NELL1: variants seen among roughly 807,000 people sequenced by gnomAD.
NELL1 encodes neural EGFL like 1, also known as protein kinase C-binding protein NELL1.
A neutral mutation model predicts 107.4 loss-of-function variants in NELL1; 76 were observed. That is an observed-to-expected ratio of 0.71 (90% CI 0.59 to 0.86). The LOEUF (loss-of-function observed/expected upper bound fraction) is 0.86. Among genes scored for constraint, NELL1 ranks in the 40% least tolerant of loss-of-function variants. The pLI, the probability that NELL1 is intolerant of heterozygous loss-of-function variation, is 0.00. For synonymous variants in NELL1, 353 were observed against 341.2 expected, an observed-to-expected ratio of 1.03 and a Z score of -0.38; for missense variants, 1,024 against 1,005.5, an observed-to-expected ratio of 1.02 and a Z score of -0.25.
At chr11:20,844,077 C>T (rs756089883) in intron 3 of NELL1, among the ~76,000 whole-genome samples, 9 of 152,170 alleles carry the variant, frequency 5.9e-5, no homozygotes, top group Non-Finnish European at 1.3e-4. Context: ...TAGTTGTGCA[C>T]AGCTCAGAGC....
At chr11:21,425,811 A>G (rs796482120) in intron 15 of NELL1, among the ~76,000 whole-genome samples, 10 of 152,334 alleles carry the variant, frequency 6.6e-5, no homozygotes, top group African/African-American at 2.4e-4. Flanking sequence ...GTTTGTGATA[A>G]TGTTGGGACA....
At chr11:20,919,418 AT>A in intron 7 of NELL1, 84 bp downstream of exon 7, 2 of 829,510 alleles carry the variant, frequency 2.4e-6, no homozygotes, top group Non-Finnish European at 2.0e-6. Context: ...TAATGGAAAC[AT>A]TTTTAGCCTC....
intron 5 of NELL1, among the ~76,000 whole-genome samples, chr11:20,892,142 G>T (rs1403389488): frequency 6.6e-6 from 1 of 152,128 alleles, no homozygotes; most frequent in Non-Finnish European, 1.5e-5. Flanking sequence ...AAATGCAAAA[G>T]AACTGAAATC....
intron 2 of NELL1, among the ~76,000 whole-genome samples, chr11:20,774,565 G>A (rs1856712152): frequency 6.6e-6 from 1 of 151,936 alleles, no homozygotes; most frequent in Non-Finnish European, 1.5e-5. Flanking sequence ...GAAAAGCTGA[G>A]CAGGATCCAT....
At chr11:20,682,844 A>G (rs1315693827) in intron 2 of NELL1, among the ~76,000 whole-genome samples, 1 of 152,010 alleles carries the variant, frequency 6.6e-6, no homozygotes, top group Non-Finnish European at 1.5e-5. Flanking sequence ...ATCATACAGT[A>G]TGTGCTTTTT....
chr11:21,368,456 A>G (rs1851282991), intron 14 of NELL1, among the ~76,000 whole-genome samples: 1 of 151,748 alleles, frequency 6.6e-6, no homozygotes, highest in African/African-American at 2.4e-5. Flanking sequence ...CGGATTGTAG[A>G]TTAACCCACA....
In NELL1 at chr11:20,847,276, G is replaced by A. The variant is rs1848716812; in HGVS notation, c.336-307G>A. 2.0e-5 allele frequency among the ~76,000 whole-genome samples: 3 copies of A among 152,170 alleles called. No homozygotes were observed. The South Asian group carries it at 6.2e-4, about 32-fold the overall frequency. On this transcript the variant is annotated intron_variant, in intron 3 of 19. Transcript: ENST00000357134. The stretch of plus-strand genomic sequence containing the variant: ...CCTGTTTTAGACATTCATGGAATGA[G>A]GGTTCTGATTTGTACTTTGAAGTAT...
At chr11:21,077,667 T>C (rs764915712) in intron 12 of NELL1, among the ~76,000 whole-genome samples, 1 of 150,992 alleles carries the variant, frequency 6.6e-6, no homozygotes, top group South Asian at 2.1e-4. Context: ...CACTTGAACC[T>C]GGGAGACGGA....
rs11026044 is a variant in NELL1, at chr11:21,356,930, C to A, written c.1550-13923C>A. 9.8e-5 allele frequency among the ~76,000 whole-genome samples: 15 copies of A among 152,306 alleles called. No homozygotes were observed. The East Asian group carries it at 2.9e-3, about 29-fold the overall frequency. The stretch of plus-strand genomic sequence containing the variant: ...TTGGTTTTCCATTCCTGAGTTACTT[C>A]ACTTAGAATAATGGTCTCCAACTCC... On this transcript the variant is annotated intron_variant, in intron 14 of 19. Coordinates refer to ENST00000357134, the MANE Select transcript of NELL1 (RefSeq NM_006157.5).
Position 21,573,231 on chromosome 11 carries a change from G to C in NELL1, c.2204G>C (p.Cys735Ser), listed in dbSNP as rs773196240. The C allele has an allele frequency of 6.2e-7, 1 of 1,612,312 alleles. No homozygotes were observed. Among genetic ancestry groups the C allele is most frequent in the Admixed American group, 1.7e-5 (1 of 59,830 alleles). The change falls in exon 19 of 20, where the codon TGT (cysteine) becomes TCT (serine). Residue 735 changes from cysteine (C) to serine (S), a missense_variant. Cys to Ser is a moderately radical substitution (Grantham distance 112). Coordinates refer to ENST00000357134, the MANE Select transcript of NELL1 (RefSeq NM_006157.5). ...CCACTCACTTGCCCCAACTTGAGCT[G>C]TGAGTATACAGCTATCTTAGAAGGG... ...CWPLTCPNLS[C>S]EYTAILEGEC... is the part of the protein sequence containing the mutation.
rs145449508 is a variant in NELL1 at position 21,567,568 on chromosome 11, G to A, written c.1981-3196G>A. 1.8e-4 allele frequency among the ~76,000 whole-genome samples: 28 copies of A among 151,862 alleles called. No homozygotes were observed. The East Asian group carries it at 5.1e-3, about 28-fold the overall frequency. On this transcript the variant is annotated intron_variant, in intron 17 of 19. Transcript: ENST00000357134. ...GTATAGTAAAAGAGCCAATGCACAC[G>A]ATACATTTTTCAACCTGTTGTTATA...
intron 12 of NELL1, among the ~76,000 whole-genome samples, chr11:21,108,136 C>A (rs1209941824): frequency 6.6e-6 from 1 of 152,106 alleles, no homozygotes; most frequent in Non-Finnish European, 1.5e-5. Flanking sequence ...TGGGGAATGC[C>A]TTTTCCCCTC....
chr11:21,223,488 G>T (rs75736371), intron 13 of NELL1, among the ~76,000 whole-genome samples: 3,558 of 152,072 alleles, frequency 0.023, 141 homozygotes, highest in African/African-American at 0.082. Context: ...ATGAACTTCA[G>T]GTAGTTGGGT....
chr11:20,803,649 G>T (rs1857323269), intron 3 of NELL1, among the ~76,000 whole-genome samples: 1 of 152,082 alleles, frequency 6.6e-6, no homozygotes, highest in Non-Finnish European at 1.5e-5. Flanking sequence ...TTGTTTATTT[G>T]AAATTTTTCT....
chr11:21,093,580 T>G (rs1184056594), intron 12 of NELL1, among the ~76,000 whole-genome samples: 1 of 152,128 alleles, frequency 6.6e-6, no homozygotes, highest in Non-Finnish European at 1.5e-5. Context: ...GATAAAGACA[T>G]ACGAGAGACT....
chr11:20,918,904 C>T (rs1850317545), intron 6 of NELL1, among the ~76,000 whole-genome samples: 1 of 151,914 alleles, frequency 6.6e-6, no homozygotes, highest in African/African-American at 2.4e-5. Flanking sequence ...AAAAACTATT[C>T]CTTAAGATTC....
intron 2 of NELL1, among the ~76,000 whole-genome samples, chr11:20,766,769 G>T (rs1403209111): frequency 6.7e-5 from 10 of 149,120 alleles, no homozygotes; most frequent in African/African-American, 2.5e-4. Context: ...TTCAGACAGA[G>T]CCTCATTCTG....
rs190643217 is a variant in NELL1 at position 21,291,290 on chromosome 11, C to T, written c.1549+61836C>T. On this transcript the variant is annotated intron_variant, in intron 14 of 19. Coordinates refer to ENST00000357134, the MANE Select transcript of NELL1 (RefSeq NM_006157.5). Reference sequence around the variant, plus strand: ...AAGGCAGAAACAAGTTTTTTGAAACCAATGAGAGCAAAGACACAACGTACC... The same window carrying T: ...AAGGCAGAAACAAGTTTTTTGAAACTAATGAGAGCAAAGACACAACGTACC... Among the ~76,000 whole-genome samples the T allele has an allele frequency of 1.7e-3, 263 of 152,106 alleles. 2 individuals are homozygous for T. The South Asian group carries it at 0.022, about 13-fold the overall frequency.
intron 13 of NELL1, among the ~76,000 whole-genome samples, chr11:21,132,060 T>G (rs1215868055): frequency 1.3e-5 from 2 of 152,106 alleles, no homozygotes; most frequent in Non-Finnish European, 2.9e-5. Flanking sequence ...ATATCACCCC[T>G]CTGGCATTGA....
Sources: allele counts gnomAD v4.1 joint callset (sites outside exome capture counted in the v4.1 genomes callset), GRCh38; gene constraint gnomAD v4.1.1; transcripts MANE v1.5; gene names NCBI Gene and HGNC (gene_info 2026-07-23, HGNC 2026-07-21).